Variants in EXOC4 observed in about 807,000 individuals in gnomAD.
EXOC4 encodes SEC8-like 1.
Under a neutral mutation model 107.2 loss-of-function variants are expected in EXOC4, and 71 were observed. That is an observed-to-expected ratio of 0.66 (90% CI 0.55 to 0.81). The LOEUF (loss-of-function observed/expected upper bound fraction) is 0.81. EXOC4 is among the 30% of genes least tolerant of loss of function. EXOC4 has a pLI of 0.00. For missense variants in EXOC4, 1,108 were observed against 1,189.6 expected (o/e 0.93, Z 1.01); for synonymous variants, 456 against 441.2 (o/e 1.03, Z -0.42).
intron 6 of EXOC4, among the ~76,000 whole-genome samples, chr7:133,357,723 T>G (rs1796053162): frequency 1.3e-5 from 2 of 152,234 alleles, no homozygotes; most frequent in Admixed American, 1.3e-4. Flanking sequence ...TATTTAAATT[T>G]TTTGGAAAAA....
intron 10 of EXOC4, among the ~76,000 whole-genome samples, chr7:133,802,704 A>C (rs115027411): frequency 0.012 from 1,797 of 152,082 alleles, 35 homozygotes; most frequent in African/African-American, 0.041. Flanking sequence ...AAAATTAGCC[A>C]GATGTGGTGG....
intron 10 of EXOC4, among the ~76,000 whole-genome samples, chr7:133,702,579 G>T (rs1794690128): frequency 6.6e-6 from 1 of 151,058 alleles, no homozygotes; most frequent in South Asian, 2.1e-4. Context: ...TCCTGCCTTG[G>T]CCTCCCACCT....
At chr7:134,077,978 T>A in the EXOC4 span, among the ~76,000 whole-genome samples, 1 of 151,812 alleles carries the variant, frequency 6.6e-6, no homozygotes, top group Non-Finnish European at 1.5e-5. Flanking sequence ...GCTGGGAGAG[T>A]CTCCAGAGCA....
chr7:133,413,578 A>G (rs1451945912), intron 7 of EXOC4, among the ~76,000 whole-genome samples: 2 of 152,144 alleles, frequency 1.3e-5, no homozygotes, highest in Non-Finnish European at 2.9e-5. Flanking sequence ...CAAGTGATGG[A>G]AGTGCAAGTG....
intron 7 of EXOC4, among the ~76,000 whole-genome samples, chr7:133,399,380 C>G (rs1797040127): frequency 6.6e-6 from 1 of 152,106 alleles, no homozygotes; most frequent in East Asian, 1.9e-4. Context: ...ACTAAACCTA[C>G]CCACTAAACA....
intron 11 of EXOC4, among the ~76,000 whole-genome samples, chr7:133,827,612 T>C (rs1171494115): frequency 6.6e-6 from 1 of 152,262 alleles, no homozygotes; most frequent in Non-Finnish European, 1.5e-5. Context: ...TCCTTAATGA[T>C]CTCAGCATTT....
At chr7:134,099,863 C>T in the EXOC4 span, among the ~76,000 whole-genome samples, 1 of 152,124 alleles carries the variant, frequency 6.6e-6, no homozygotes, top group Non-Finnish European at 1.5e-5. Context: ...CCCACCACAA[C>T]ACCCAGCTAA....
chr7:133,667,528 G>A (rs972954509), intron 10 of EXOC4, among the ~76,000 whole-genome samples: 10 of 152,164 alleles, frequency 6.6e-5, no homozygotes, highest in African/African-American at 2.2e-4. Flanking sequence ...TATTGAGCCC[G>A]TGTGGAGTGT....
intron 17 of EXOC4, among the ~76,000 whole-genome samples, chr7:134,046,502 G>T (rs1435671824): frequency 5.4e-5 from 8 of 149,246 alleles, no homozygotes; most frequent in South Asian, 2.1e-4. Flanking sequence ...GGCTCAGATG[G>T]TCCCCTCCTA....
chr7:133,259,035 C>T (rs1584755375), intron 1 of EXOC4, among the ~76,000 whole-genome samples: 2 of 151,940 alleles, frequency 1.3e-5, no homozygotes, highest in African/African-American at 4.8e-5. Flanking sequence ...TTTGTAAAGA[C>T]GAGTCATAGG....
chr7:133,946,003 A>AT (rs1195775300), intron 14 of EXOC4, among the ~76,000 whole-genome samples: 1 of 152,122 alleles, frequency 6.6e-6, no homozygotes, highest in African/African-American at 2.4e-5. Flanking sequence ...ATTTCATCTG[A>AT]TTCTTTTTAA....
At chr7:133,607,418 A>G (rs917160921) in intron 9 of EXOC4, among the ~76,000 whole-genome samples, 3 of 152,240 alleles carry the variant, frequency 2.0e-5, no homozygotes, top group Non-Finnish European at 2.9e-5. Flanking sequence ...ACTTATTTCA[A>G]TGCATATGGT....
rs578219380 is a variant in EXOC4, at chr7:133,361,303, C to T, written c.1007+4730C>T. Among the ~76,000 whole-genome samples, 25 of 152,200 alleles carry T rather than the reference C, an allele frequency of 1.6e-4. No individual in the cohort carries two copies. In the South Asian group the frequency reaches 3.5e-3, roughly 21 times the overall value. ...TTAAATTTTTTCTTTTTTTTGGAGA[C>T]GGAGTCTTGCTCTGTTGCCCAGGCT... On this transcript the variant is annotated intron_variant, in intron 6 of 17. Transcript: ENST00000253861.
chr7:133,530,405 CT>C (rs1800159777), intron 9 of EXOC4, among the ~76,000 whole-genome samples: 1 of 152,142 alleles, frequency 6.6e-6, no homozygotes, highest in Admixed American at 6.5e-5. Flanking sequence ...CACACCTAGG[CT>C]ACATGGTTTG....
chr7:133,641,122 C>G (rs1435551185), intron 10 of EXOC4, among the ~76,000 whole-genome samples: 1 of 152,126 alleles, frequency 6.6e-6, no homozygotes, highest in Non-Finnish European at 1.5e-5. Context: ...GAACCAGATG[C>G]AGAATTATCA....
chr7:134,092,125 C>A, the EXOC4 span, among the ~76,000 whole-genome samples: 5 of 152,036 alleles, frequency 3.3e-5, no homozygotes, highest in Admixed American at 3.3e-4. Flanking sequence ...TTTTAAATGT[C>A]CAGTTTTGAA....
intron 9 of EXOC4, among the ~76,000 whole-genome samples, chr7:133,607,841 C>T (rs1406693554): frequency 6.6e-6 from 1 of 152,128 alleles, no homozygotes; most frequent in Non-Finnish European, 1.5e-5. Context: ...AAACTACATA[C>T]CCCTTAAGTA....
chr7:133,932,287 AG>A (rs1800195832), intron 13 of EXOC4, among the ~76,000 whole-genome samples: 1 of 152,206 alleles, frequency 6.6e-6, no homozygotes. Context: ...AGCACTGTCA[AG>A]GGGTCTATGT....
intron 9 of EXOC4, among the ~76,000 whole-genome samples, chr7:133,504,754 T>C (rs957600656): frequency 2.0e-5 from 3 of 152,112 alleles, no homozygotes; most frequent in Non-Finnish European, 4.4e-5. Context: ...ATTATTGATA[T>C]TTCTGCCGGG....
Sources: gnomAD v4.1 joint callset for allele counts (sites outside exome capture counted in the v4.1 genomes callset) on GRCh38, gnomAD v4.1.1 for gene constraint, MANE v1.5 for transcripts, NCBI Gene and HGNC (gene_info 2026-07-23, HGNC 2026-07-21) for gene names.